SOX5: variants seen among roughly 807,000 people sequenced by gnomAD.
SOX5 encodes transcription factor SOX-5.
In SOX5, 9 loss-of-function variants were observed where a neutral mutation model predicts 92.0. The observed-to-expected ratio is 0.10, with a 90% CI of 0.06 to 0.17. SOX5 has a LOEUF of 0.17. Among genes scored for constraint, SOX5 ranks in the 10% least tolerant of loss-of-function variants. The pLI is 1.00. For missense variants in SOX5, 642 were observed against 944.5 expected (o/e 0.68, Z 4.20); for synonymous variants, 344 against 336.3 (o/e 1.02, Z -0.25).
chr12:24,553,198 A>T (rs772166080), intron 1 of SOX5, among the ~76,000 whole-genome samples: 3 of 152,182 alleles, frequency 2.0e-5, no homozygotes, highest in Non-Finnish European at 4.4e-5. Context: ...CTTGTGATGG[A>T]AGAGAATAAA....
chr12:23,951,234 G>C (rs1046109493), upstream of SOX5, among the ~76,000 whole-genome samples: 1 of 151,984 alleles, frequency 6.6e-6, no homozygotes, highest in African/African-American at 2.4e-5. Flanking sequence ...TGGCTCAATA[G>C]TCTGTACAGC....
At chr12:23,845,265 T>C (rs2096562130) in intron 3 of SOX5, among the ~76,000 whole-genome samples, 1 of 152,332 alleles carries the variant, frequency 6.6e-6, no homozygotes, top group East Asian at 1.9e-4. Flanking sequence ...ATGCTTAGGA[T>C]GGACAGAGGT....
chr12:23,881,209 C>G (rs2096985271), intron 2 of SOX5, among the ~76,000 whole-genome samples: 1 of 152,112 alleles, frequency 6.6e-6, no homozygotes, highest in Non-Finnish European at 1.5e-5. Flanking sequence ...AGGCTGTAAA[C>G]CGCCTGCTAT....
At chr12:24,266,323 G>A (rs564453345) in intron 3 of SOX5, among the ~76,000 whole-genome samples, 3 of 151,890 alleles carry the variant, frequency 2.0e-5, no homozygotes, top group South Asian at 2.1e-4. Context: ...AATATATACC[G>A]ACATACACGC....
intron 4 of SOX5, among the ~76,000 whole-genome samples, chr12:24,207,452 A>T (rs533260332): frequency 6.6e-6 from 1 of 152,322 alleles, no homozygotes; most frequent in African/African-American, 2.4e-5. Context: ...ACTCAGTAAG[A>T]ATATATGAAT....
intron 3 of SOX5, among the ~76,000 whole-genome samples, chr12:23,801,751 C>G (rs10771032): frequency 0.33 from 49,536 of 151,824 alleles, 8,612 homozygotes; most frequent in East Asian, 0.64. Context: ...ATTTGGATTC[C>G]AACCCTACGG....
chr12:24,282,075 C>T (rs1374798342), intron 2 of SOX5, among the ~76,000 whole-genome samples: 1 of 152,310 alleles, frequency 6.6e-6, no homozygotes, highest in East Asian at 1.9e-4. Context: ...TACAGAGACT[C>T]AACCAAATCT....
intron 1 of SOX5, among the ~76,000 whole-genome samples, chr12:24,554,978 A>G (rs1187784635): frequency 1.3e-5 from 2 of 152,220 alleles, no homozygotes; most frequent in African/African-American, 4.8e-5. Flanking sequence ...GGAAGAAAAG[A>G]GACTTTCTAT....
chr12:23,847,135 A>G (rs1164335797), intron 2 of SOX5, among the ~76,000 whole-genome samples: 1 of 152,120 alleles, frequency 6.6e-6, no homozygotes, highest in Non-Finnish European at 1.5e-5. Flanking sequence ...AATGATAAAG[A>G]AAAATTAATT....
chr12:23,900,261 A>C (rs2097217217), intron 1 of SOX5, among the ~76,000 whole-genome samples: 3 of 152,216 alleles, frequency 2.0e-5, no homozygotes, highest in Admixed American at 2.0e-4. Flanking sequence ...ACTTGCTTTT[A>C]CAGGAGTCTC....
chr12:23,878,712 T>C (rs2096955196), intron 2 of SOX5, among the ~76,000 whole-genome samples: 1 of 152,180 alleles, frequency 6.6e-6, no homozygotes, highest in Non-Finnish European at 1.5e-5. Flanking sequence ...TATATTAAGC[T>C]ATTTTTATCT....
At chr12:23,598,209 G>C (rs921871271) in intron 9 of SOX5, among the ~76,000 whole-genome samples, 1 of 151,944 alleles carries the variant, frequency 6.6e-6, no homozygotes, top group African/African-American at 2.4e-5. Context: ...AACACCTCTA[G>C]AAACTACCAC....
chr12:24,232,259 A>G (rs117595378), intron 3 of SOX5, among the ~76,000 whole-genome samples: 4,834 of 152,256 alleles, frequency 0.032, 116 homozygotes, highest in Non-Finnish European at 0.051. Flanking sequence ...TATTCTCTAA[A>G]ATTCTTAATA....
chr12:23,934,090 T>C (rs1207969300), intron 1 of SOX5, among the ~76,000 whole-genome samples: 1 of 151,500 alleles, frequency 6.6e-6, no homozygotes, highest in Admixed American at 6.6e-5. Flanking sequence ...CTACTAAAAA[T>C]GGCAATGTGA....
At chr12:24,449,580 T>C (rs1253213224) in intron 1 of SOX5, among the ~76,000 whole-genome samples, 4 of 152,188 alleles carry the variant, frequency 2.6e-5, no homozygotes, top group Admixed American at 2.6e-4. Flanking sequence ...ACAGGAACCT[T>C]GTGCAGCTTA....
Position 24,471,806 on chromosome 12 carries a change from A to G in SOX5, c.-251+90523T>C, listed in dbSNP as rs1597066891. Among the ~76,000 whole-genome samples the G allele has an allele frequency of 3.9e-5, 6 of 152,310 alleles. No homozygotes were observed. In the South Asian group the frequency reaches 1.2e-3, roughly 32 times the overall value. Reference sequence around the variant, plus strand: ...CACACATCAGTTACGTTATCAAAAAAGTTTTTCAATAAGTTTATGCACTTT... The same window carrying G: ...CACACATCAGTTACGTTATCAAAAAGGTTTTTCAATAAGTTTATGCACTTT... On this transcript the variant is annotated intron_variant, in intron 1 of 4. Transcript: ENST00000446891.
chr12:23,710,108 C>T (rs1014684457), intron 6 of SOX5, among the ~76,000 whole-genome samples: 1 of 152,102 alleles, frequency 6.6e-6, no homozygotes, highest in Non-Finnish European at 1.5e-5. Flanking sequence ...AGGTTACATA[C>T]AGACACACAC....
chr12:23,645,944 C>T (rs543862279), intron 7 of SOX5, among the ~76,000 whole-genome samples: 3 of 152,190 alleles, frequency 2.0e-5, no homozygotes, highest in Admixed American at 6.5e-5. Context: ...ACATATAAGT[C>T]GTGTTTAGAC....
Position 23,778,351 on chromosome 12 carries a change from G to A in SOX5, c.482-22627C>T, listed in dbSNP as rs78327878. ...ATGTGGAAGGTCTACAGAGGAAAAC[G>A]AGGTTAAGTGAACCAAGTTTTATAA... On this transcript the variant is annotated intron_variant, in intron 3 of 14. Coordinates refer to ENST00000451604, the MANE Select transcript of SOX5 (RefSeq NM_006940.6). Among the ~76,000 whole-genome samples the A allele has an allele frequency of 2.5e-3, 387 of 152,250 alleles. 2 individuals are homozygous for A. The highest frequency in any genetic ancestry group is 8.7e-3 in the African/African-American group (360 of 41,550).
Sources: gnomAD v4.1 joint callset for allele counts (sites outside exome capture counted in the v4.1 genomes callset) on GRCh38, gnomAD v4.1.1 for gene constraint, MANE v1.5 for transcripts, NCBI Gene and HGNC (gene_info 2026-07-23, HGNC 2026-07-21) for gene names.